Variants in BRME1 observed in about 807,000 individuals in gnomAD.
BRME1 encodes the protein break repair meiotic recombinase recruitment factor 1.
BRME1 carries 31 observed loss-of-function variants against 52.6 expected under a neutral mutation model. The observed-to-expected ratio is 0.59, with a 90% confidence interval of 0.44 to 0.80. The LOEUF (loss-of-function observed/expected upper bound fraction) is 0.80. BRME1 is among the 30% of genes least tolerant of loss of function. BRME1 has a pLI of 0.00. For synonymous variants in BRME1, 359 were observed against 353.6 expected (o/e 1.02, Z -0.17); for missense variants, 804 against 860.3 (o/e 0.93, Z 0.82).
chr19:13,901,892 T>C (rs1970319869), intron 2 of BRME1, among the ~76,000 whole-genome samples: 1 of 148,934 alleles, frequency 6.7e-6, no homozygotes, highest in African/African-American at 2.5e-5. Flanking sequence ...ATACAAAAAT[T>C]AGCCAGTCAT....
chr19:13,902,159 T>C (rs1426787727), intron 2 of BRME1, among the ~76,000 whole-genome samples: 1 of 150,626 alleles, frequency 6.6e-6, no homozygotes, highest in Non-Finnish European at 1.5e-5. Flanking sequence ...GGCAACATGG[T>C]GAAACCCCAT....
Position 13,883,263 on chromosome 19 carries a change from GGCCTCCC to G in BRME1, c.1856+38_1856+44del. On this transcript the variant is annotated intron_variant, in intron 8 of 8. Transcript: ENST00000586783. This position sits in a 1 kb window ranked among gnomAD's most constrained non-coding sequence, Gnocchi z 4.2. ...CTCCCTGCTCCTCTGAGTCCCCACTGGCCTCCCGCAGACCCTGTGCCGTGAGTCCAAG... is the reference window on the plus strand; with the variant it reads ...CTCCCTGCTCCTCTGAGTCCCCACTGGCAGACCCTGTGCCGTGAGTCCAAG... 2 of 1,478,922 alleles carry G rather than the reference GGCCTCCC, an allele frequency of 1.4e-6. No homozygotes were observed. Among genetic ancestry groups the G allele is most frequent in the African/African-American group, 2.8e-5 (2 of 71,882 alleles). 91.6% of individuals were successfully genotyped at this position (1,478,922 alleles called of 1,614,324 possible). A position where few individuals can be genotyped will look rare whatever the true frequency, so the allele number is the denominator to read the frequency against.
Position 13,882,886 on chromosome 19 carries a change from C to T in BRME1, c.1923G>A (p.Lys641=), listed in dbSNP as rs1242567675. The T allele has an allele frequency of 6.2e-7, 1 of 1,613,876 alleles. No homozygotes were observed. Among genetic ancestry groups the T allele is most frequent in the Non-Finnish European group, 8.5e-7 (1 of 1,179,992 alleles). The change falls in exon 9 of 9, where the codon AAG becomes AAA. Residue 641 remains lysine (K), a synonymous_variant. Coordinates refer to ENST00000586783, the MANE Select transcript of BRME1 (RefSeq NM_001345843.2). ...AFKRLNYRKT[K]LGGKAPLPYP... is the part of the protein sequence containing the mutation. ...AAGGCAGGGGGGCTTTGCCTCCCAG[C>T]TTTGTCTTCCGGTAGTTAAGGCGCT...
At chr19:13,892,611 T>C (rs937859027) in intron 5 of BRME1, among the ~76,000 whole-genome samples, 175 bp downstream of exon 5, 1 of 151,796 alleles carries the variant, frequency 6.6e-6, no homozygotes, top group Non-Finnish European at 1.5e-5. Flanking sequence ...AAAAATAAAA[T>C]AAAGAATTGT....
At chr19:13,895,880 G>A (rs192594622) in intron 2 of BRME1, among the ~76,000 whole-genome samples, 4 of 152,326 alleles carry the variant, frequency 2.6e-5, no homozygotes, top group East Asian at 1.9e-4. Flanking sequence ...CTTTGGCCAC[G>A]TCCTGGCCCC....
At chr19:13,902,821 A>C (rs1409015019) in intron 2 of BRME1, among the ~76,000 whole-genome samples, 3 of 151,312 alleles carry the variant, frequency 2.0e-5, no homozygotes, top group African/African-American at 4.9e-5. Context: ...GCTACTTGGG[A>C]GGCTGAGGCA....
Position 13,883,727 on chromosome 19 carries a change from C to G in BRME1, c.1764-327G>C. The G allele has an allele frequency of 3.4e-6, 1 of 296,716 alleles. No homozygotes were observed. The highest frequency in any genetic ancestry group is 6.5e-6 in the Non-Finnish European group (1 of 153,562). 18.4% of individuals were successfully genotyped at this position (296,716 alleles called of 1,614,324 possible). On this transcript the variant is annotated intron_variant, in intron 7 of 8. Coordinates refer to ENST00000586783, the MANE Select transcript of BRME1 (RefSeq NM_001345843.2). The surrounding 1 kb of genome is among the most constrained non-coding windows in gnomAD (Gnocchi z 4.2). ...AGCTCAGAGGCAAGCCCTCTCCTCC[C>G]GCAGCTGTGCACCACCTGCCTGCCC...
intron 6 of BRME1, among the ~76,000 whole-genome samples, chr19:13,886,392 G>A (rs1184798977): frequency 6.6e-6 from 1 of 152,238 alleles, no homozygotes; most frequent in Non-Finnish European, 1.5e-5. Context: ...TGACACCACT[G>A]CAGTCTCCTG....
In BRME1 at chr19:13,882,547, GC is replaced by G; in HGVS notation, c.*254del. On this transcript the variant is annotated 3_prime_UTR_variant, in exon 9 of 9. Transcript: ENST00000586783. Reference sequence around the variant, plus strand: ...GCTCAGAGGTGGCCAGCTTCCTGGAGCCCAGGCCCGCTTGAAGTCACTGGGG... The same window carrying G: ...GCTCAGAGGTGGCCAGCTTCCTGGAGCCAGGCCCGCTTGAAGTCACTGGGG... The G allele has an allele frequency of 1.8e-6, 1 of 552,966 alleles. No homozygotes were observed. Among genetic ancestry groups the G allele is most frequent in the Non-Finnish European group, 3.2e-6 (1 of 317,212 alleles). The allele number at this position is 552,966 out of a possible 1,614,324, so 34.3% of individuals were successfully genotyped here.
intron 7 of BRME1, 138 bp downstream of exon 7, chr19:13,885,823 C>G (rs1968971613): frequency 1.5e-6 from 1 of 688,432 alleles, no homozygotes; most frequent in Non-Finnish European, 2.5e-6. Flanking sequence ...GTTTGAAAGA[C>G]AGGGCTCAGC....
intron 7 of BRME1, among the ~76,000 whole-genome samples, chr19:13,884,119 G>A (rs1485981337): frequency 1.3e-5 from 2 of 152,108 alleles, no homozygotes; most frequent in Non-Finnish European, 2.9e-5. Flanking sequence ...GTGGGAGGAT[G>A]GCTTGAACCC....
chr19:13,885,481 A>AGGAGG (rs905173587), intron 7 of BRME1: 3 of 154,704 alleles, frequency 1.9e-5, no homozygotes, highest in African/African-American at 7.3e-5. Flanking sequence ...TGTGGGAGGG[A>AGGAGG]GGAGGTGGTT....
intron 6 of BRME1, among the ~76,000 whole-genome samples, chr19:13,887,210 C>T (rs926055084): frequency 2.0e-5 from 3 of 152,232 alleles, no homozygotes; most frequent in Non-Finnish European, 4.4e-5. Context: ...TGCTGTTCCC[C>T]GTGCCCCTGC....
intron 2 of BRME1, among the ~76,000 whole-genome samples, chr19:13,897,897 A>G (rs1158875417): frequency 6.6e-6 from 1 of 151,336 alleles, no homozygotes; most frequent in Non-Finnish European, 1.5e-5. Context: ...AATTAAAATA[A>G]ATAAATAAAA....
At chr19:13,889,123 G>T in intron 6 of BRME1, 65 bp downstream of exon 6, 1 of 1,425,540 alleles carries the variant, frequency 7.0e-7, no homozygotes, top group Non-Finnish European at 9.4e-7. Context: ...CGAGTGAGGA[G>T]GGGGCTTGTG....
rs754749244 is a variant in BRME1, at chr19:13,883,422, T to G, written c.1764-22A>C. On this transcript the variant is annotated intron_variant, in intron 7 of 8. Coordinates refer to ENST00000586783, the MANE Select transcript of BRME1 (RefSeq NM_001345843.2). This position sits in a 1 kb window ranked among gnomAD's most constrained non-coding sequence, Gnocchi z 4.2. ...GGTCCTGGCCAGCAGGGAAGGAAAT[T>G]GAGAGTGGCCCGACCTCACTGGACT... is the stretch of plus-strand genomic sequence containing the variant. 1.4e-4 allele frequency: 213 copies of G among 1,517,594 alleles called. No individual in the cohort carries two copies. Among genetic ancestry groups the G allele is most frequent in the Non-Finnish European group, 8.8e-5 (100 of 1,130,892 alleles). 94.0% of individuals were successfully genotyped at this position (1,517,594 alleles called of 1,614,324 possible). A position where few individuals can be genotyped will look rare whatever the true frequency, so the allele number is the denominator to read the frequency against.
Position 13,888,626 on chromosome 19 carries a change from T to G in BRME1, c.1668+562A>C, listed in dbSNP as rs1018369516. Among the ~76,000 whole-genome samples, 4 of 152,182 alleles carry G rather than the reference T, an allele frequency of 2.6e-5. No homozygotes were observed. The highest frequency in any genetic ancestry group is 5.9e-5 in the Non-Finnish European group (4 of 68,028). ...CCGGGCAGCCGGTGGGGCGGGCAGA[T>G]CCCTGAAGGAGGCAAAGCCCTTACA... On this transcript the variant is annotated intron_variant, in intron 6 of 8. Transcript: ENST00000586783. This position sits in a 1 kb window ranked among gnomAD's most constrained non-coding sequence, Gnocchi z 4.1.
rs1968816347 is a variant in BRME1, at chr19:13,883,934, C to T, written c.1764-534G>A. On this transcript the variant is annotated intron_variant, in intron 7 of 8. Transcript: ENST00000586783. This position sits in a 1 kb window ranked among gnomAD's most constrained non-coding sequence, Gnocchi z 4.2. ...CCCTTCTCCGCTGCCTTTTTTTCCC[C>T]AACACTCTGCCATCTGACTATCTAA... Among the ~76,000 whole-genome samples, 1 of 151,972 alleles carries T rather than the reference C, an allele frequency of 6.6e-6. No homozygotes were observed. Among genetic ancestry groups the T allele is most frequent in the Admixed American group, 6.6e-5 (1 of 15,246 alleles).
chr19:13,904,953 C>T, intron 1 of BRME1, 40 bp from the exon 2 acceptor site: 2 of 1,528,648 alleles, frequency 1.3e-6, no homozygotes, highest in South Asian at 2.2e-5. Flanking sequence ...TAAGCAGTCT[C>T]TGTCTCTGTT....
Sources: allele counts gnomAD v4.1 joint callset (sites outside exome capture counted in the v4.1 genomes callset), GRCh38; gene constraint gnomAD v4.1.1; non-coding constraint Gnocchi (gnomAD v3.1); transcripts MANE v1.5; gene names NCBI Gene and HGNC (gene_info 2026-07-23, HGNC 2026-07-21).